The following HK1 variants were observed in gnomAD, a reference collection of about 807,000 sequenced individuals.
The protein encoded by HK1 is hexokinase-1.
In HK1, 28 loss-of-function variants were observed where a neutral mutation model predicts 91.6. The ratio of observed to expected loss-of-function variants is 0.31; its 90% CI spans 0.23 to 0.42. The LOEUF is 0.42. Among genes scored for constraint, HK1 ranks in the 10% least tolerant of loss-of-function variants. The pLI, the probability that HK1 is intolerant of heterozygous loss-of-function variation, is 1.00. For missense variants in HK1, 770 were observed against 1,219.8 expected (o/e 0.63, Z 5.49); for synonymous variants, 430 against 468.1 (o/e 0.92, Z 1.05).
intron 1 of HK1, among the ~76,000 whole-genome samples, chr10:69,321,578 G>A (rs1847032734): frequency 6.6e-6 from 1 of 152,180 alleles, no homozygotes; most frequent in Non-Finnish European, 1.5e-5. Flanking sequence ...GCATCCCTCA[G>A]TAACTCTCAT....
chr10:69,387,597 T>C (rs1273537245), intron 13 of HK1, among the ~76,000 whole-genome samples: 3 of 152,250 alleles, frequency 2.0e-5, no homozygotes, highest in East Asian at 1.9e-4. Flanking sequence ...TTACCCATGC[T>C]GGTCTTGAAC....
intron 5 of HK1, among the ~76,000 whole-genome samples, chr10:69,302,953 C>T (rs1047563203): frequency 6.6e-6 from 1 of 152,058 alleles, no homozygotes; most frequent in Non-Finnish European, 1.5e-5. Context: ...ACACTCTTTT[C>T]CTAGACACTG....
rs1045628873 is a variant in HK1 at position 69,271,692 on chromosome 10, T to C, written c.-391+1584T>C. ...TGGGGTTTCACCATGTTAGCCAGGA[T>C]AGTCTCAATCTCCTGATCTCGTGAT... On this transcript the variant is annotated intron_variant, in intron 1 of 21. Transcript: ENST00000360289. Among the ~76,000 whole-genome samples the C allele has an allele frequency of 1.3e-4, 20 of 152,080 alleles. 1 individual carries two copies. The highest frequency in any genetic ancestry group is 4.1e-4 in the African/African-American group (17 of 41,482).
At chr10:69,283,350 A>G (rs142118235) in intron 2 of HK1, among the ~76,000 whole-genome samples, 4,805 of 149,612 alleles carry the variant, frequency 0.032, 288 homozygotes, top group African/African-American at 0.11. Flanking sequence ...GCTACTCTGG[A>G]GGCTGAGGTG....
intron 1 of HK1, among the ~76,000 whole-genome samples, chr10:69,330,844 A>T (rs1369361707): frequency 2.0e-5 from 3 of 151,348 alleles, no homozygotes; most frequent in African/African-American, 7.3e-5. Context: ...CAAACCTGAC[A>T]TAGGGAAATA....
chr10:69,387,899 T>TC (rs1242429532), intron 13 of HK1, among the ~76,000 whole-genome samples: 5 of 151,748 alleles, frequency 3.3e-5, no homozygotes, highest in African/African-American at 1.2e-4. Context: ...TTTTTTCAAA[T>TC]CCCATTACAC....
In HK1 at chr10:69,380,247, T is replaced by C. The variant is rs1226047958; in HGVS notation, c.1265+152T>C. On this transcript the variant is annotated intron_variant, in intron 9 of 17. Transcript: ENST00000359426. This position sits in a 1 kb window ranked among gnomAD's most constrained non-coding sequence, Gnocchi z 4.0. ...GGCTCATGCCTGTAATCTTAGCACT[T>C]TGAGAGGCCGAGGCAGGAGGAAGGA... The C allele has an allele frequency of 5.6e-6, 4 of 719,298 alleles. No homozygotes were observed. The highest frequency in any genetic ancestry group is 1.0e-5 in the Non-Finnish European group (4 of 399,568). 44.6% of individuals were successfully genotyped at this position (719,298 alleles called of 1,614,324 possible).
chr10:69,301,925 A>G (rs1845893989), intron 5 of HK1, among the ~76,000 whole-genome samples: 1 of 152,172 alleles, frequency 6.6e-6, no homozygotes, highest in Non-Finnish European at 1.5e-5. Context: ...ATAAGAAGAA[A>G]GAGAACTCAC....
intron 7 of HK1, among the ~76,000 whole-genome samples, chr10:69,376,123 G>A (rs1374934057): frequency 6.6e-6 from 1 of 152,160 alleles, no homozygotes; most frequent in Admixed American, 6.5e-5. Context: ...CAGGGGGAGT[G>A]GCTGCCTTTC....
chr10:69,396,129 G>A (rs562474512), intron 16 of HK1, among the ~76,000 whole-genome samples: 36 of 152,022 alleles, frequency 2.4e-4, no homozygotes, highest in African/African-American at 7.0e-4. Flanking sequence ...AAAACTAGCC[G>A]GGCGTGGTGG....
At chr10:69,322,838 C>T (rs1303710156) in intron 1 of HK1, among the ~76,000 whole-genome samples, 2 of 148,950 alleles carry the variant, frequency 1.3e-5, no homozygotes, top group South Asian at 2.1e-4. Flanking sequence ...TGCGGTGAGC[C>T]GAGATCACGC....
intron 1 of HK1, chr10:69,271,180 G>GT (rs1171518725): frequency 6.6e-6 from 1 of 152,148 alleles, no homozygotes; most frequent in Non-Finnish European, 1.5e-5. Context: ...GGTGACGACT[G>GT]TTCCTGACCA....
chr10:69,381,183 G>A (rs1194338857), intron 9 of HK1, among the ~76,000 whole-genome samples: 1 of 152,070 alleles, frequency 6.6e-6, no homozygotes, highest in Non-Finnish European at 1.5e-5. Context: ...AGTTACTTGG[G>A]AGGCTGAGGT....
At chr10:69,356,842 C>A (rs1849158695) in intron 2 of HK1, among the ~76,000 whole-genome samples, 1 of 140,662 alleles carries the variant, frequency 7.1e-6, no homozygotes, top group African/African-American at 2.8e-5. Context: ...GAGATTGAGC[C>A]ACTGCCCTCC....
intron 1 of HK1, 39 bp from the exon 2 acceptor site, chr10:69,343,788 C>T (rs761989144): frequency 1.0e-5 from 16 of 1,559,242 alleles, no homozygotes; most frequent in Middle Eastern, 1.9e-4. Flanking sequence ...CCTGTCCTCC[C>T]CCTCGACCTC....
rs1310506223 is a variant in HK1, at chr10:69,379,139, G to GT, written c.1032-719dup. Among the ~76,000 whole-genome samples the GT allele has an allele frequency of 6.0e-4, 91 of 152,066 alleles. 1 individual carries two copies. Among genetic ancestry groups the GT allele is most frequent in the Non-Finnish European group, 2.1e-4 (14 of 67,996 alleles). On this transcript the variant is annotated intron_variant, in intron 8 of 17. Transcript: ENST00000359426. The stretch of plus-strand genomic sequence containing the variant: ...TTGGGGGTTATTTGGGGCGAGGTTG[G>GT]TTTTGTTTTTAAATATTAAAAAAAA...
At chr10:69,294,265 T>C (rs1394547101) in intron 3 of HK1, among the ~76,000 whole-genome samples, 1 of 152,206 alleles carries the variant, frequency 6.6e-6, no homozygotes, top group Non-Finnish European at 1.5e-5. Flanking sequence ...GTGGAGACTA[T>C]GTAAAAGCAT....
chr10:69,282,331 A>T (rs887006335), intron 1 of HK1, among the ~76,000 whole-genome samples: 1 of 152,168 alleles, frequency 6.6e-6, no homozygotes, highest in Non-Finnish European at 1.5e-5. Flanking sequence ...TCTCAATGGG[A>T]TAAAATAACT....
chr10:69,319,187 T>G, intron 1 of HK1, 177 bp downstream of exon 1: 1 of 763,018 alleles, frequency 1.3e-6, no homozygotes, highest in Non-Finnish European at 2.2e-6. Context: ...TGTCAGTGTC[T>G]CTGTGTGTGT....
Sources: allele counts gnomAD v4.1 joint callset (sites outside exome capture counted in the v4.1 genomes callset), GRCh38; gene constraint gnomAD v4.1.1; non-coding constraint Gnocchi (gnomAD v3.1); transcripts MANE v1.5; gene names NCBI Gene and HGNC (gene_info 2026-07-23, HGNC 2026-07-21).